The following LUZP2 variants were observed in gnomAD, a reference collection of about 807,000 sequenced individuals.
LUZP2 encodes the protein leucine zipper protein 2.
Under a neutral mutation model 51.6 loss-of-function variants are expected in LUZP2, and 52 were observed. The observed-to-expected ratio is 1.01, with a 90% CI of 0.81 to 1.27. LUZP2 has a LOEUF of 1.27. Ranked by LOEUF, LUZP2 falls within the 50% of genes most tolerant of loss-of-function variation. The pLI, the probability that LUZP2 is intolerant of heterozygous loss-of-function variation, is 0.00. For missense variants in LUZP2, 436 were observed against 395.4 expected, an observed-to-expected ratio of 1.10 and a Z score of -0.87; for synonymous variants, 154 against 137.3, an observed-to-expected ratio of 1.12 and a Z score of -0.85.
At chr11:24,554,024 C>T (rs986890621) in intron 1 of LUZP2, among the ~76,000 whole-genome samples, 1 of 152,152 alleles carries the variant, frequency 6.6e-6, no homozygotes, top group Non-Finnish European at 1.5e-5. Flanking sequence ...CACATTTTCT[C>T]TCTGCTGCGC....
intron 1 of LUZP2, among the ~76,000 whole-genome samples, chr11:24,700,056 CTTTTTTTTT>C (rs762849302): frequency 1.0e-5 from 1 of 95,978 alleles, no homozygotes; most frequent in South Asian, 3.8e-4. Context: ...TTTTCCTCAA[CTTTTTTTTT>C]TTTTTTTTTT....
intron 7 of LUZP2, among the ~76,000 whole-genome samples, chr11:24,960,443 A>T (rs1042235394): frequency 6.6e-6 from 1 of 151,186 alleles, no homozygotes; most frequent in Non-Finnish European, 1.5e-5. Flanking sequence ...TTATTGGTCT[A>T]GTCAGAGATT....
At chr11:25,039,652 G>T (rs1320070349) in intron 9 of LUZP2, among the ~76,000 whole-genome samples, 1 of 152,158 alleles carries the variant, frequency 6.6e-6, no homozygotes, top group Non-Finnish European at 1.5e-5. Context: ...ACATGTCCAT[G>T]GGGGTATGGA....
chr11:24,964,958 G>A (rs1322583780), intron 7 of LUZP2, among the ~76,000 whole-genome samples: 1 of 151,664 alleles, frequency 6.6e-6, no homozygotes, highest in African/African-American at 2.4e-5. Context: ...AAAAGTTTCA[G>A]ACATTTTCAG....
At chr11:24,802,184 A>G (rs73442845) in intron 5 of LUZP2, among the ~76,000 whole-genome samples, 6,705 of 152,152 alleles carry the variant, frequency 0.044, 498 homozygotes, top group African/African-American at 0.15. Flanking sequence ...GCAGTCTATT[A>G]TATCTGGCTC....
chr11:24,925,805 G>A (rs541047129), intron 7 of LUZP2, among the ~76,000 whole-genome samples: 5 of 152,068 alleles, frequency 3.3e-5, no homozygotes, highest in African/African-American at 1.2e-4. Flanking sequence ...GAATTAGTTT[G>A]TTAGTGGTGA....
intron 1 of LUZP2, among the ~76,000 whole-genome samples, chr11:24,537,953 T>G (rs1304669286): frequency 6.6e-6 from 1 of 151,924 alleles, no homozygotes; most frequent in African/African-American, 2.4e-5. Context: ...TTGAGCTATT[T>G]GTGTTGCTTG....
chr11:24,497,353 C>A lies in LUZP2; in HGVS notation c.62+48C>A, dbSNP rs755035839. On this transcript the variant is annotated intron_variant, in intron 1 of 11. Coordinates refer to ENST00000336930, the MANE Select transcript of LUZP2 (RefSeq NM_001009909.4). The stretch of plus-strand genomic sequence containing the variant: ...CCTGAGGCCAGGGGCGCTGCCGGGG[C>A]GAGGTTGGTCCTACTGTGGGTCACC... 5.7e-6 allele frequency: 8 copies of A among 1,411,870 alleles called. No individual in the cohort carries two copies. The South Asian group carries it at 7.5e-5, about 13-fold the overall frequency. The allele number at this position is 1,411,870 out of a possible 1,614,324, so 87.5% of individuals were successfully genotyped here. A position where few individuals can be genotyped will look rare whatever the true frequency, so the allele number is the denominator to read the frequency against.
intron 1 of LUZP2, among the ~76,000 whole-genome samples, chr11:24,649,513 C>G (rs925261991): frequency 1.3e-5 from 2 of 151,870 alleles, no homozygotes; most frequent in South Asian, 4.1e-4. Context: ...AAGTCATTTT[C>G]TTTTTCTAAC....
intron 1 of LUZP2, among the ~76,000 whole-genome samples, chr11:24,525,258 A>T (rs969856925): frequency 2.0e-5 from 3 of 151,660 alleles, no homozygotes; most frequent in African/African-American, 7.2e-5. Flanking sequence ...TAAATGCTTC[A>T]TGAGGAAGAA....
chr11:24,553,533 A>G (rs1304239402), intron 1 of LUZP2, among the ~76,000 whole-genome samples: 1 of 152,140 alleles, frequency 6.6e-6, no homozygotes, highest in Non-Finnish European at 1.5e-5. Context: ...GGGTATATAT[A>G]TAATACACAT....
intron 5 of LUZP2, among the ~76,000 whole-genome samples, chr11:24,882,742 A>G (rs924097954): frequency 1.4e-5 from 2 of 147,794 alleles, no homozygotes; most frequent in Non-Finnish European, 1.5e-5. Context: ...ATGTCTTCTC[A>G]TGACTAGGTA....
intron 1 of LUZP2, among the ~76,000 whole-genome samples, chr11:24,596,543 G>T (rs1481651512): frequency 6.6e-6 from 1 of 152,136 alleles, no homozygotes; most frequent in Admixed American, 6.5e-5. Flanking sequence ...TTATTACTGA[G>T]ACCAAGTGGT....
At chr11:24,721,525 A>C (rs1381203243) in intron 1 of LUZP2, among the ~76,000 whole-genome samples, 1 of 152,176 alleles carries the variant, frequency 6.6e-6, no homozygotes, top group African/African-American at 2.4e-5. Flanking sequence ...TAGAAGAAAA[A>C]CTACCATTCT....
intron 1 of LUZP2, among the ~76,000 whole-genome samples, chr11:24,673,636 T>C (rs1369882757): frequency 2.0e-5 from 3 of 152,102 alleles, no homozygotes; most frequent in Admixed American, 6.6e-5. Context: ...AATATTGACA[T>C]TGGGCCAGAT....
chr11:24,576,126 A>C (rs181683062), intron 1 of LUZP2, among the ~76,000 whole-genome samples: 11 of 152,110 alleles, frequency 7.2e-5, no homozygotes, highest in Non-Finnish European at 1.5e-4. Flanking sequence ...AATTTAAAAA[A>C]TGGACACCTG....
chr11:24,538,639 A>G (rs1397577412), intron 1 of LUZP2, among the ~76,000 whole-genome samples: 4 of 123,708 alleles, frequency 3.2e-5, no homozygotes, highest in Non-Finnish European at 6.8e-5. Flanking sequence ...ATGTGTATTT[A>G]TGTGTTTTTT....
intron 4 of LUZP2, 197 bp from the exon 5 acceptor site, chr11:24,763,049 A>T: frequency 3.3e-6 from 2 of 609,102 alleles, no homozygotes; most frequent in Non-Finnish European, 4.1e-6. Flanking sequence ...TAAATGAAAA[A>T]AGATATTTTA....
intron 1 of LUZP2, among the ~76,000 whole-genome samples, chr11:24,546,954 TTGTTGTTGTTGGTGG>T (rs71041775): frequency 0.25 from 31,697 of 124,758 alleles, 3,661 homozygotes; most frequent in Middle Eastern, 0.38. Flanking sequence ...GTTGTTGTTG[TTGTTGTTGTTGGTGG>T]TGGTGGTGGT....
Sources: gnomAD v4.1 joint callset for allele counts (sites outside exome capture counted in the v4.1 genomes callset) on GRCh38, gnomAD v4.1.1 for gene constraint, MANE v1.5 for transcripts, NCBI Gene and HGNC (gene_info 2026-07-23, HGNC 2026-07-21) for gene names.